The following LINGO2 variants were observed in gnomAD, a reference collection of about 807,000 sequenced individuals.
LINGO2 encodes the protein leucine rich repeat and Ig domain containing 2.
LINGO2 carries 14 observed loss-of-function variants against 30.6 expected under a neutral mutation model. The ratio of observed to expected loss-of-function variants is 0.46; its 90% CI spans 0.30 to 0.72. The LOEUF is 0.72. Ranked by LOEUF, LINGO2 falls within the 30% of genes least tolerant of loss-of-function variation. The pLI is 0.07. For synonymous variants in LINGO2, 317 were observed against 288.5 expected, an observed-to-expected ratio of 1.10 and a Z score of -1.00; for missense variants, 729 against 751.7, an observed-to-expected ratio of 0.97 and a Z score of 0.35.
chr9:28,675,400 G>T, the LINGO2 span, among the ~76,000 whole-genome samples: 1 of 152,002 alleles, frequency 6.6e-6, no homozygotes, highest in Non-Finnish European at 1.5e-5. Flanking sequence ...AATATTTCGT[G>T]ATTGTTAAAT....
At chr9:28,848,397 G>GTATATATATATATA in the LINGO2 span, among the ~76,000 whole-genome samples, 17 of 48,404 alleles carry the variant, frequency 3.5e-4, no homozygotes, top group Non-Finnish European at 3.9e-4. Context: ...GTGTGTGTGT[G>GTATATATATATATA]TATATATATA....
At chr9:28,919,052 T>C in the LINGO2 span, among the ~76,000 whole-genome samples, 2 of 152,170 alleles carry the variant, frequency 1.3e-5, no homozygotes, top group Non-Finnish European at 2.9e-5. Context: ...ATTACTTAAC[T>C]AATACTTCAA....
intron 1 of LINGO2, among the ~76,000 whole-genome samples, chr9:28,556,148 C>T (rs1469565255): frequency 7.2e-5 from 11 of 151,774 alleles, no homozygotes; most frequent in Admixed American, 7.2e-4. Flanking sequence ...CTGGCCAGGG[C>T]AATTAGGCAG....
the LINGO2 span, among the ~76,000 whole-genome samples, chr9:28,779,803 T>A: frequency 6.6e-6 from 1 of 152,292 alleles, no homozygotes; most frequent in South Asian, 2.1e-4. Flanking sequence ...TAGAACCTGA[T>A]GCAAAGCATA....
the LINGO2 span, among the ~76,000 whole-genome samples, chr9:28,724,124 T>G: frequency 6.6e-6 from 1 of 152,260 alleles, no homozygotes; most frequent in African/African-American, 2.4e-5. Context: ...TTAGATCTAG[T>G]TCTAGCTCAG....
chr9:28,383,802 G>A (rs192898218), intron 2 of LINGO2, among the ~76,000 whole-genome samples: 1 of 146,662 alleles, frequency 6.8e-6, no homozygotes, highest in Admixed American at 6.6e-5. Flanking sequence ...TAATTAAACA[G>A]AGATTTTAAT....
At chr9:28,499,866 C>T (rs10968621) in intron 1 of LINGO2, among the ~76,000 whole-genome samples, 9,268 of 152,192 alleles carry the variant, frequency 0.061, 344 homozygotes, top group Middle Eastern at 0.13. Flanking sequence ...AGATAAGTTT[C>T]TATATGTCCC....
chr9:28,552,354 G>C (rs1822336192), intron 1 of LINGO2, among the ~76,000 whole-genome samples: 1 of 151,994 alleles, frequency 6.6e-6, no homozygotes, highest in South Asian at 2.1e-4. Flanking sequence ...CTGCACGGGA[G>C]ATAAAAGTCT....
chr9:28,541,540 A>C (rs573555432), intron 1 of LINGO2, among the ~76,000 whole-genome samples: 46 of 152,312 alleles, frequency 3.0e-4, no homozygotes, highest in African/African-American at 1.1e-3. Context: ...AAAACTTCCG[A>C]TGTGTGGCTT....
Position 28,659,458 on chromosome 9 carries a change from CT to C in LINGO2, c.-365+10741del, listed in dbSNP as rs901783809. Among the ~76,000 whole-genome samples, 234 of 146,832 alleles carry C rather than the reference CT, an allele frequency of 1.6e-3. 1 individual carries two copies. The highest frequency in any genetic ancestry group is 2.9e-3 in the African/African-American group (115 of 40,240). ...TATATACTTTTTTTTCCTTTTTTAT[CT>C]TTTTTTTTTTCTTTGAGACAAAATC... is the stretch of plus-strand genomic sequence containing the variant. On this transcript the variant is annotated intron_variant, in intron 1 of 5. Coordinates refer to ENST00000379992, the Ensembl canonical transcript of LINGO2.
the LINGO2 span, among the ~76,000 whole-genome samples, chr9:28,976,861 C>A: frequency 6.6e-6 from 1 of 151,932 alleles, no homozygotes; most frequent in Admixed American, 6.6e-5. Flanking sequence ...TCTATCAGTT[C>A]TCATTAACTC....
chr9:28,125,476 T>C (rs1407677261), intron 4 of LINGO2, among the ~76,000 whole-genome samples: 3 of 152,216 alleles, frequency 2.0e-5, no homozygotes, highest in African/African-American at 7.2e-5. Flanking sequence ...ACTCTGGACA[T>C]AAAGTATGGT....
chr9:29,173,542 TCA>T, the LINGO2 span, among the ~76,000 whole-genome samples: 1 of 152,060 alleles, frequency 6.6e-6, no homozygotes, highest in Non-Finnish European at 1.5e-5. Flanking sequence ...AGAAGAAAAA[TCA>T]AAAGTGATTA....
chr9:28,926,191 G>T, the LINGO2 span, among the ~76,000 whole-genome samples: 1 of 152,162 alleles, frequency 6.6e-6, no homozygotes, highest in African/African-American at 2.4e-5. Flanking sequence ...GCGCATGCCT[G>T]TAGTCCCAGC....
intron 4 of LINGO2, among the ~76,000 whole-genome samples, chr9:28,043,090 G>A (rs1034597497): frequency 6.6e-6 from 1 of 152,208 alleles, no homozygotes; most frequent in African/African-American, 2.4e-5. Flanking sequence ...CTAAGCCCCT[G>A]GTGTTAATGA....
downstream of LINGO2, chr9:27,943,143 A>G (rs949137899): frequency 6.6e-6 from 1 of 152,204 alleles, no homozygotes; most frequent in Non-Finnish European, 1.5e-5. Flanking sequence ...TACTCAATAT[A>G]TTGCAGTGTA....
At chr9:27,990,469 C>A (rs1040262599) in intron 5 of LINGO2, among the ~76,000 whole-genome samples, 31 of 124,366 alleles carry the variant, frequency 2.5e-4, no homozygotes, top group African/African-American at 8.3e-4. Context: ...AATACCCCCC[C>A]CCCTTTTATT....
At chr9:28,024,237 C>A (rs1823270221) in intron 4 of LINGO2, among the ~76,000 whole-genome samples, 1 of 152,156 alleles carries the variant, frequency 6.6e-6, no homozygotes, top group Non-Finnish European at 1.5e-5. Context: ...TTCAGGGCTG[C>A]TTCCTACAGT....
At chr9:29,031,462 T>C in the LINGO2 span, among the ~76,000 whole-genome samples, 1 of 151,994 alleles carries the variant, frequency 6.6e-6, no homozygotes, top group African/African-American at 2.4e-5. Context: ...TCTGTATTTT[T>C]AGTAGAGACA....
Sources: allele counts gnomAD v4.1 joint callset (sites outside exome capture counted in the v4.1 genomes callset), GRCh38; gene constraint gnomAD v4.1.1; transcripts MANE v1.5; gene names NCBI Gene and HGNC (gene_info 2026-07-23, HGNC 2026-07-21).